LRCH4: variants seen among roughly 807,000 people sequenced by gnomAD.
The protein encoded by LRCH4 is leucine rich repeats and calponin homology domain containing 4, also known as leucine-rich repeat and calponin homology domain-containing protein 4.
Under a neutral mutation model 81.2 loss-of-function variants are expected in LRCH4, and 56 were observed. The ratio of observed to expected loss-of-function variants is 0.69; its 90% CI spans 0.56 to 0.86. The LOEUF (loss-of-function observed/expected upper bound fraction) is 0.86. Ranked by LOEUF, LRCH4 falls within the 40% of genes least tolerant of loss-of-function variation. LRCH4 has a pLI of 0.00. For missense variants in LRCH4, 895 were observed against 922.8 expected, an observed-to-expected ratio of 0.97 and a Z score of 0.39; for synonymous variants, 442 against 409.7, an observed-to-expected ratio of 1.08 and a Z score of -0.95.
In LRCH4 at chr7:100,575,674, G is replaced by A; in HGVS notation, c.1854+31C>T. On this transcript the variant is annotated intron_variant, in intron 17 of 17. Transcript: ENST00000310300. This position sits in a 1 kb window ranked among gnomAD's most constrained non-coding sequence, Gnocchi z 5.3. Reference sequence around the variant, plus strand: ...CCACATGCTCGGCTGAGTCCGGCATGCCACCACTCTTTAGAAAGCAGCCCC... The same window carrying A: ...CCACATGCTCGGCTGAGTCCGGCATACCACCACTCTTTAGAAAGCAGCCCC... The A allele has an allele frequency of 6.2e-7, 1 of 1,611,918 alleles. No individual in the cohort carries two copies. Among genetic ancestry groups the A allele is most frequent in the South Asian group, 1.1e-5 (1 of 91,052 alleles).
chr7:100,578,798 G>A lies in LRCH4; in HGVS notation c.599-12C>T, dbSNP rs774488443. On this transcript the variant is annotated splice_polypyrimidine_tract_variant and intron_variant, in intron 4 of 17. Transcript: ENST00000310300. The surrounding 1 kb of genome is among the most constrained non-coding windows in gnomAD (Gnocchi z 5.7). The stretch of plus-strand genomic sequence containing the variant: ...GAGGTCCCCCAGCTCTGGAACAGGT[G>A]GGCAAGGGAAAAGTCAGGAACATGC... 1.9e-6 allele frequency: 3 copies of A among 1,611,952 alleles called. No individual in the cohort carries two copies. The highest frequency in any genetic ancestry group is 2.2e-5 in the East Asian group (1 of 44,882).
At position 100,577,296 on chromosome 7, in the gene LRCH4, C is replaced by G; in HGVS notation, c.1272G>C (p.Ala424=). 3 of 1,598,424 alleles carry G rather than the reference C, an allele frequency of 1.9e-6. No individual in the cohort carries two copies. Among genetic ancestry groups the G allele is most frequent in the Non-Finnish European group, 1.7e-6 (2 of 1,178,378 alleles). The change falls in exon 11 of 18, where the codon GCG becomes GCC. Residue 424 remains alanine, a synonymous_variant. Transcript: ENST00000310300. The surrounding 1 kb of genome is among the most constrained non-coding windows in gnomAD (Gnocchi z 6.7). ...ACCTATCCTTCCTCGGGGCCCCCCA[C>G]GCCCCGCTCTGCTGCTGCTGCCGCC... The part of the protein sequence containing the change: ...RERRQQQQSG[A]WGAPRKDSLL...
chr7:100,574,784 A>C lies in LRCH4; in HGVS notation c.*323T>G. ...CCCCATAGCAGCTGTTGGGGGGGGA[A>C]GGGGAGGGCACAGGAGGAAGGGGGA... On this transcript the variant is annotated 3_prime_UTR_variant, in exon 18 of 18. Coordinates refer to ENST00000310300, the MANE Select transcript of LRCH4 (RefSeq NM_002319.5). 23 of 280,018 alleles carry C rather than the reference A, an allele frequency of 8.2e-5. No homozygotes were observed. The highest frequency in any genetic ancestry group is 1.3e-4 in the East Asian group (2 of 15,170). The allele number at this position is 280,018 out of a possible 1,614,324, so 17.3% of individuals were successfully genotyped here. A position where few individuals can be genotyped will look rare whatever the true frequency, so the allele number is the denominator to read the frequency against.
At chr7:100,581,088 G>A (rs759159196) in intron 4 of LRCH4, among the ~76,000 whole-genome samples, 1 of 152,236 alleles carries the variant, frequency 6.6e-6, no homozygotes, top group Non-Finnish European at 1.5e-5. Flanking sequence ...TCAGGTGTTT[G>A]AGAGCCCCTG....
chr7:100,581,975 C>G lies in LRCH4; in HGVS notation c.492+66G>C, dbSNP rs1462912587. 2.5e-6 allele frequency: 4 copies of G among 1,603,672 alleles called. No homozygotes were observed. In the African/African-American group the frequency reaches 5.4e-5, roughly 21 times the overall value. The stretch of plus-strand genomic sequence containing the variant: ...TGTCTTTGCTCCAGGCCCTCCCCAA[C>G]CTCCCCCTAGAAGGTCCCGCTGCCT... On this transcript the variant is annotated intron_variant, in intron 3 of 17. Transcript: ENST00000310300.
rs929198168 is a variant in LRCH4 at position 100,582,089 on chromosome 7, C to T, written c.444G>A (p.Leu148=). The T allele has an allele frequency of 1.2e-6, 2 of 1,611,944 alleles. No homozygotes were observed. Among genetic ancestry groups the T allele is most frequent in the African/African-American group, 2.7e-5 (2 of 74,826 alleles). Residue 148 remains leucine, a synonymous_variant, in exon 3 of 18, where the codon CTG becomes CTA. Transcript: ENST00000310300. The surrounding 1 kb of genome is among the most constrained non-coding windows in gnomAD (Gnocchi z 5.0). Reference sequence around the variant, plus strand: ...TGCCGATGTCAGGGGGCAGGGCTCCCAGCTTGTTGTTGCTGACGATGAGGA... The same window carrying T: ...TGCCGATGTCAGGGGGCAGGGCTCCTAGCTTGTTGTTGCTGACGATGAGGA... The part of the protein sequence containing the change: ...LRVLIVSNNK[L]GALPPDIGTL...
In LRCH4 at chr7:100,577,476, C is replaced by T. The variant is rs1034551904; in HGVS notation, c.1178+21G>A. ...GGGTGGGAGGATCGGGCAGTGGCGT[C>T]AGTTTGGGGGCTTGGGGTACCTGCT... On this transcript the variant is annotated intron_variant, in intron 10 of 17. Coordinates refer to ENST00000310300, the MANE Select transcript of LRCH4 (RefSeq NM_002319.5). This position sits in a 1 kb window ranked among gnomAD's most constrained non-coding sequence, Gnocchi z 6.7. 5 of 1,606,630 alleles carry T rather than the reference C, an allele frequency of 3.1e-6. No homozygotes were observed. The highest frequency in any genetic ancestry group is 1.7e-5 in the Admixed American group (1 of 60,012).
At chr7:100,581,674 G>T in intron 4 of LRCH4, 103 bp downstream of exon 4, 1 of 909,836 alleles carries the variant, frequency 1.1e-6, no homozygotes, top group Non-Finnish European at 1.7e-6. Flanking sequence ...ATGAATGCCT[G>T]CCATGTATAA....
At position 100,574,253 on chromosome 7, in the gene LRCH4, TA is replaced by T; in HGVS notation, c.*853del. 5.2e-6 allele frequency: 1 copy of T among 194,050 alleles called. No homozygotes were observed. The highest frequency in any genetic ancestry group is 1.1e-5 in the Non-Finnish European group (1 of 89,660). The allele number at this position is 194,050 out of a possible 1,614,324, so 12.0% of individuals were successfully genotyped here. A position where few individuals can be genotyped will look rare whatever the true frequency, so the allele number is the denominator to read the frequency against. ...GGCCCTGTGCCCCCACCTTCACCCC[TA>T]AGGCCGGTCCAGCAGGGCGTGGACG... On this transcript the variant is annotated 3_prime_UTR_variant, in exon 18 of 18. Transcript: ENST00000310300.
chr7:100,582,388 G>A lies in LRCH4; in HGVS notation c.292C>T (p.Leu98Phe). The change falls in exon 2 of 18, where the codon CTC becomes TTC. Residue 98 changes from leucine to phenylalanine, a missense_variant. By Grantham distance (22) the Leu-to-Phe change is conservative. Around this residue, in one of 3 missense-constraint regions of LRCH4, gnomAD observed 360 missense variants for 397.0 expected, o/e 0.91. Coordinates refer to ENST00000310300, the MANE Select transcript of LRCH4 (RefSeq NM_002319.5). The surrounding 1 kb of genome is among the most constrained non-coding windows in gnomAD (Gnocchi z 5.0). ...CQLVSLEGLS[L>F]YHNCLRCLNP... ...AGGCATCTCAGGCAATTGTGGTAGA[G>A]GCTCAGGCCCTCCAGGGACACCAGC... is the stretch of plus-strand genomic sequence containing the variant. The A allele has an allele frequency of 6.2e-7, 1 of 1,614,026 alleles. No homozygotes were observed. The highest frequency in any genetic ancestry group is 8.5e-7 in the Non-Finnish European group (1 of 1,180,032).
chr7:100,580,232 C>G (rs376648012), intron 4 of LRCH4: 1 of 152,232 alleles, frequency 6.6e-6, no homozygotes, highest in African/African-American at 2.4e-5. Context: ...CCCCAGGACC[C>G]CCACGCAGAG....
At chr7:100,576,375 T>A in intron 14 of LRCH4, 52 bp from the exon 15 acceptor site, 1 of 1,348,008 alleles carries the variant, frequency 7.4e-7, no homozygotes, top group Non-Finnish European at 1.1e-6. Context: ...CCACTGACTC[T>A]GTAGCTGGGT....
At chr7:100,576,430 ATTTT>A (rs1297254818) in intron 14 of LRCH4, 107 bp from the exon 15 acceptor site, 9 of 756,516 alleles carry the variant, frequency 1.2e-5, no homozygotes, top group African/African-American at 5.4e-5. Flanking sequence ...TGCTTGTGGG[ATTTT>A]TTTTTATTTC....
At chr7:100,580,694 TAAAC>T (rs1001232852) in intron 4 of LRCH4, 18 of 136,408 alleles carry the variant, frequency 1.3e-4, no homozygotes, top group African/African-American at 4.0e-4. Flanking sequence ...AACACAGACA[TAAAC>T]ACAACACACA....
At position 100,574,963 on chromosome 7, in the gene LRCH4, G is replaced by A; in HGVS notation, c.*144C>T. The A allele has an allele frequency of 1.3e-6, 1 of 775,606 alleles. No homozygotes were observed. The highest frequency in any genetic ancestry group is 1.9e-5 in the South Asian group (1 of 51,674). The allele number at this position is 775,606 out of a possible 1,614,324, so 48.0% of individuals were successfully genotyped here. On this transcript the variant is annotated 3_prime_UTR_variant, in exon 18 of 18. Coordinates refer to ENST00000310300, the MANE Select transcript of LRCH4 (RefSeq NM_002319.5). ...GCCCAGGGTCTGGGGGCACCAGAGT[G>A]GGGCCTCTGAGGTCAGTGTCTGTGA...
Position 100,575,505 on chromosome 7 carries a change from G to A in LRCH4, c.1854+200C>T, listed in dbSNP as rs1801323481. ...CAGGTGACATGCAGGACAAGATGGG[G>A]CCTGCAGGGCAGGGGATGTGTAGGA... On this transcript the variant is annotated intron_variant, in intron 17 of 17. Transcript: ENST00000310300. This position sits in a 1 kb window ranked among gnomAD's most constrained non-coding sequence, Gnocchi z 5.3. 1 of 837,168 alleles carries A rather than the reference G, an allele frequency of 1.2e-6. No individual in the cohort carries two copies. Among genetic ancestry groups the A allele is most frequent in the Admixed American group, 1.9e-5 (1 of 53,778 alleles). 51.9% of individuals were successfully genotyped at this position (837,168 alleles called of 1,614,324 possible). A position where few individuals can be genotyped will look rare whatever the true frequency, so the allele number is the denominator to read the frequency against.
rs968293363 is a variant in LRCH4, at chr7:100,583,033, A to C, written c.221-574T>G. On this transcript the variant is annotated intron_variant, in intron 1 of 17. Coordinates refer to ENST00000310300, the MANE Select transcript of LRCH4 (RefSeq NM_002319.5). This position sits in a 1 kb window ranked among gnomAD's most constrained non-coding sequence, Gnocchi z 4.3. Reference sequence around the variant, plus strand: ...CCGGACGAGTTTTTCGCCAGCCCCAAGGACCAGCAAGCCAGGTCCAAAGAA... The same window carrying C: ...CCGGACGAGTTTTTCGCCAGCCCCACGGACCAGCAAGCCAGGTCCAAAGAA... Among the ~76,000 whole-genome samples the C allele has an allele frequency of 2.0e-5, 3 of 152,212 alleles. No homozygotes were observed. The highest frequency in any genetic ancestry group is 4.4e-5 in the Non-Finnish European group (3 of 68,034).
In LRCH4 at chr7:100,577,881, C is replaced by T. The variant is rs767069957; in HGVS notation, c.980G>A (p.Arg327Gln). ...GGGCTCCCGGGCCAGCTCTGAGATC[C>T]GGAATGACAGCTCTGAAAATTCATC... The part of the protein sequence containing the change: ...STDEFSELSF[R>Q]ISELAREPRG... The change falls in exon 8 of 18, where the codon CGG becomes CAG. Residue 327 changes from arginine to glutamine, a missense_variant. Physicochemically the swap from Arg to Gln is conservative, Grantham distance 43 (BLOSUM62 1). Around this residue, in one of 3 missense-constraint regions of LRCH4, gnomAD observed 529 missense variants for 504.9 expected, o/e 1.05. Coordinates refer to ENST00000310300, the MANE Select transcript of LRCH4 (RefSeq NM_002319.5). The surrounding 1 kb of genome is among the most constrained non-coding windows in gnomAD (Gnocchi z 6.7). 14 of 1,613,894 alleles carry T rather than the reference C, an allele frequency of 8.7e-6. No individual in the cohort carries two copies. Among genetic ancestry groups the T allele is most frequent in the South Asian group, 2.2e-5 (2 of 91,086 alleles).
At position 100,576,712 on chromosome 7, in the gene LRCH4, A is replaced by C; in HGVS notation, c.1534T>G (p.Ser512Ala). The C allele has an allele frequency of 6.3e-7, 1 of 1,594,742 alleles. No individual in the cohort carries two copies. Among genetic ancestry groups the C allele is most frequent in the Non-Finnish European group, 8.5e-7 (1 of 1,170,714 alleles). The change falls in exon 14 of 18, where the codon TCC (serine) becomes GCC (alanine). Residue 512 changes from serine to alanine, a missense_variant. By Grantham distance (99) the Ser-to-Ala change is moderately conservative. Around this residue, in one of 3 missense-constraint regions of LRCH4, gnomAD observed 529 missense variants for 504.9 expected, o/e 1.05. Transcript: ENST00000310300. ...QRPNSFLFRS[S>A]SQSGSGPSSP... ...CACCCACCTGAGCCACTCTGAGAGG[A>C]GGAACGGAAGAGGAAGCTGTTTGGT...
Sources: allele counts gnomAD v4.1 joint callset (sites outside exome capture counted in the v4.1 genomes callset), GRCh38; gene constraint gnomAD v4.1.1; regional missense constraint gnomAD v4.1.1; non-coding constraint Gnocchi (gnomAD v3.1); transcripts MANE v1.5; gene names NCBI Gene and HGNC (gene_info 2026-07-23, HGNC 2026-07-21).